ADAMTS2: variants seen among roughly 807,000 people sequenced by gnomAD.
The protein encoded by ADAMTS2 is A disintegrin and metalloproteinase with thrombospondin motifs 2.
A neutral mutation model predicts 123.0 loss-of-function variants in ADAMTS2; 50 were observed. The ratio of observed to expected loss-of-function variants is 0.41; its 90% CI spans 0.32 to 0.51. The LOEUF (loss-of-function observed/expected upper bound fraction) is 0.51. ADAMTS2 is among the 20% of genes least tolerant of loss of function. ADAMTS2 has a pLI of 0.35. For missense variants in ADAMTS2, 1,494 were observed against 1,705.2 expected, an observed-to-expected ratio of 0.88 and a Z score of 2.18; for synonymous variants, 678 against 695.4, an observed-to-expected ratio of 0.98 and a Z score of 0.39.
Position 179,238,447 on chromosome 5 carries a change from CG to C in ADAMTS2, c.689-30733del, listed in dbSNP as rs931165711. On this transcript the variant is annotated intron_variant, in intron 3 of 21. Transcript: ENST00000251582. ...GTATGCCGGAGGGCAGTGAGTGCTG[CG>C]GGAAGGGGCTGGAGGGCACAGGGTC... 1.5e-4 allele frequency among the ~76,000 whole-genome samples: 23 copies of C among 152,060 alleles called. 1 individual carries two copies. The highest frequency in any genetic ancestry group is 5.1e-4 in the African/African-American group (21 of 41,400).
At chr5:179,297,844 C>A (rs1756386427) in intron 2 of ADAMTS2, among the ~76,000 whole-genome samples, 1 of 152,162 alleles carries the variant, frequency 6.6e-6, no homozygotes, top group Non-Finnish European at 1.5e-5. Flanking sequence ...CCTCTCTCAG[C>A]CCAACAACAG....
chr5:179,211,557 A>G (rs967625251), intron 3 of ADAMTS2, among the ~76,000 whole-genome samples: 1 of 152,206 alleles, frequency 6.6e-6, no homozygotes, highest in South Asian at 2.1e-4. Context: ...ATCGTGGCCA[A>G]ATAATGACAC....
rs1296876495 is a variant in ADAMTS2, at chr5:179,228,132, G to C, written c.689-20417C>G. 6.6e-6 allele frequency among the ~76,000 whole-genome samples: 1 copy of C among 152,210 alleles called. No individual in the cohort carries two copies. The highest frequency in any genetic ancestry group is 2.4e-5 in the African/African-American group (1 of 41,456). ...AGACACCCATGAGACACTCAGGCAG[G>C]AGTGGTCTGGAGCACAGAGAGAGGG... is the stretch of plus-strand genomic sequence containing the variant. On this transcript the variant is annotated intron_variant, in intron 3 of 21. Transcript: ENST00000251582. This position sits in a 1 kb window ranked among gnomAD's most constrained non-coding sequence, Gnocchi z 5.2.
At chr5:179,311,235 C>T (rs905243728) in intron 2 of ADAMTS2, among the ~76,000 whole-genome samples, 1 of 152,224 alleles carries the variant, frequency 6.6e-6, no homozygotes, top group Non-Finnish European at 1.5e-5. Flanking sequence ...GCGCTCCTGG[C>T]CCAGGTGGAG....
chr5:179,255,004 G>GATGC (rs904085187), intron 3 of ADAMTS2, among the ~76,000 whole-genome samples: 41 of 146,940 alleles, frequency 2.8e-4, no homozygotes, highest in African/African-American at 9.6e-4. Context: ...ATGAATGATG[G>GATGC]ATGGATGGAT....
chr5:179,161,243 C>T (rs189195815), intron 5 of ADAMTS2, among the ~76,000 whole-genome samples: 87 of 152,216 alleles, frequency 5.7e-4, no homozygotes, highest in Middle Eastern at 6.8e-3. Flanking sequence ...AAGGAGGAAT[C>T]GGGCGAAAGA....
chr5:179,213,713 T>C (rs1390150390), intron 3 of ADAMTS2, among the ~76,000 whole-genome samples: 1 of 152,188 alleles, frequency 6.6e-6, no homozygotes, highest in Non-Finnish European at 1.5e-5. Flanking sequence ...CAAGTCCAAA[T>C]GACCAGGAGG....
chr5:179,329,496 A>G (rs1158448327), intron 2 of ADAMTS2, among the ~76,000 whole-genome samples: 1 of 152,176 alleles, frequency 6.6e-6, no homozygotes, highest in African/African-American at 2.4e-5. Context: ...AAAAATGAAC[A>G]CTTAAAACCA....
At chr5:179,169,044 G>A (rs1211887906) in intron 5 of ADAMTS2, among the ~76,000 whole-genome samples, 1 of 152,244 alleles carries the variant, frequency 6.6e-6, no homozygotes, top group Non-Finnish European at 1.5e-5. Flanking sequence ...GTGCAGGCCT[G>A]TGGGGAGGCA....
At chr5:179,297,930 C>G (rs1425096054) in intron 2 of ADAMTS2, among the ~76,000 whole-genome samples, 1 of 152,136 alleles carries the variant, frequency 6.6e-6, no homozygotes, top group African/African-American at 2.4e-5. Context: ...CCTCACAGCC[C>G]TTCTCAGCAG....
intron 5 of ADAMTS2, among the ~76,000 whole-genome samples, chr5:179,160,279 T>G (rs1039055238): frequency 2.0e-5 from 3 of 152,130 alleles, no homozygotes; most frequent in African/African-American, 7.2e-5. Flanking sequence ...GCCAACATGG[T>G]GAAACCCTGT....
intron 4 of ADAMTS2, among the ~76,000 whole-genome samples, chr5:179,183,911 T>C (rs975012334): frequency 6.6e-6 from 1 of 152,126 alleles, no homozygotes; most frequent in East Asian, 1.9e-4. Context: ...AGAGCCTGCA[T>C]CCTCTCTCTC....
At chr5:179,302,371 G>T (rs1277885091) in intron 2 of ADAMTS2, among the ~76,000 whole-genome samples, 1 of 97,598 alleles carries the variant, frequency 1.0e-5, no homozygotes, top group Non-Finnish European at 1.8e-5. Flanking sequence ...GACAGAGCAA[G>T]ACCGTCTCAA....
rs1409907912 is a variant in ADAMTS2 at position 179,332,600 on chromosome 5, G to A, written c.534+11167C>T. On this transcript the variant is annotated intron_variant, in intron 2 of 21. Coordinates refer to ENST00000251582, the MANE Select transcript of ADAMTS2 (RefSeq NM_014244.5). This position sits in a 1 kb window ranked among gnomAD's most constrained non-coding sequence, Gnocchi z 4.2. ...GGTCTCAGACAGTACCTCAGTCTGTGACCCAACCTGCATTGCCCCAGAAGC... is the reference window on the plus strand; with the variant it reads ...GGTCTCAGACAGTACCTCAGTCTGTAACCCAACCTGCATTGCCCCAGAAGC... 6.6e-6 allele frequency among the ~76,000 whole-genome samples: 1 copy of A among 151,814 alleles called. No homozygotes were observed.
intron 3 of ADAMTS2, among the ~76,000 whole-genome samples, chr5:179,239,475 A>G (rs1219138190): frequency 6.6e-6 from 1 of 152,094 alleles, no homozygotes; most frequent in Non-Finnish European, 1.5e-5. Context: ...GTACTTCCAA[A>G]TTGAGGTTGG....
Position 179,188,056 on chromosome 5 carries a change from C to T in ADAMTS2, c.892-6901G>A, listed in dbSNP as rs1018210148. Reference sequence around the variant, plus strand: ...GGGAGGGGTGCAGAAAGGGGGGAACCGGTGCAGGCTCCCTACTGGGGAGGC... The same window carrying T: ...GGGAGGGGTGCAGAAAGGGGGGAACTGGTGCAGGCTCCCTACTGGGGAGGC... On this transcript the variant is annotated intron_variant, in intron 4 of 21. Coordinates refer to ENST00000251582, the MANE Select transcript of ADAMTS2 (RefSeq NM_014244.5). The surrounding 1 kb of genome is among the most constrained non-coding windows in gnomAD (Gnocchi z 5.1). Among the ~76,000 whole-genome samples the T allele has an allele frequency of 2.0e-5, 3 of 152,060 alleles. No individual in the cohort carries two copies. Among genetic ancestry groups the T allele is most frequent in the African/African-American group, 4.8e-5 (2 of 41,418 alleles).
At chr5:179,309,562 C>T (rs963583943) in intron 2 of ADAMTS2, among the ~76,000 whole-genome samples, 2 of 152,006 alleles carry the variant, frequency 1.3e-5, no homozygotes, top group Non-Finnish European at 2.9e-5. Context: ...TAGAGACCAT[C>T]GTGGCTAACA....
chr5:179,229,173 C>A (rs1765352608), intron 3 of ADAMTS2, among the ~76,000 whole-genome samples: 1 of 151,866 alleles, frequency 6.6e-6, no homozygotes, highest in African/African-American at 2.4e-5. Context: ...AGGCTTCTGT[C>A]AGAGAATCGG....
At chr5:179,213,801 A>C (rs1274362445) in intron 3 of ADAMTS2, among the ~76,000 whole-genome samples, 3 of 152,228 alleles carry the variant, frequency 2.0e-5, no homozygotes, top group African/African-American at 2.4e-5. Flanking sequence ...TGATAAAACA[A>C]ACAACTCATG....
Sources: allele counts gnomAD v4.1 joint callset (sites outside exome capture counted in the v4.1 genomes callset), GRCh38; gene constraint gnomAD v4.1.1; non-coding constraint Gnocchi (gnomAD v3.1); transcripts MANE v1.5; gene names NCBI Gene and HGNC (gene_info 2026-07-23, HGNC 2026-07-21).